LDLRAD4: variants seen among roughly 807,000 people sequenced by gnomAD.
LDLRAD4 encodes low density lipoprotein receptor class A domain containing 4, also known as low-density lipoprotein receptor class A domain-containing protein 4.
LDLRAD4 carries 5 observed loss-of-function variants against 17.0 expected under a neutral mutation model. That is an observed-to-expected ratio of 0.29 (90% CI 0.15 to 0.62). The LOEUF (loss-of-function observed/expected upper bound fraction) is 0.62, where lower values mean the gene tolerates loss of function less well. Ranked by LOEUF, LDLRAD4 falls within the 20% of genes least tolerant of loss-of-function variation. The pLI is 0.84. For missense variants in LDLRAD4, 340 were observed against 424.7 expected (o/e 0.80, Z 1.75); for synonymous variants, 168 against 171.8 (o/e 0.98, Z 0.17).
chr18:13,463,690 C>A (rs1194916652), intron 3 of LDLRAD4, among the ~76,000 whole-genome samples: 1 of 152,186 alleles, frequency 6.6e-6, no homozygotes, highest in Admixed American at 6.5e-5. Context: ...GCGTATAGCA[C>A]CTTGGGGCTT....
intron 1 of LDLRAD4, among the ~76,000 whole-genome samples, chr18:13,359,927 G>A (rs1043194757): frequency 3.3e-5 from 5 of 152,214 alleles, no homozygotes; most frequent in Non-Finnish European, 5.9e-5. Flanking sequence ...CAGCCAACAG[G>A]CATGGCTAAG....
chr18:13,223,582 T>C (rs879344513), intron 1 of LDLRAD4, among the ~76,000 whole-genome samples: 13 of 152,128 alleles, frequency 8.5e-5, no homozygotes, highest in Non-Finnish European at 1.3e-4. Flanking sequence ...GGAATTTCCA[T>C]TGGAAAGTCT....
At chr18:13,337,351 T>G (rs571500123) in intron 1 of LDLRAD4, among the ~76,000 whole-genome samples, 2 of 152,300 alleles carry the variant, frequency 1.3e-5, no homozygotes, top group African/African-American at 4.8e-5. Context: ...CTGCCCAATC[T>G]CAGCTGCCTC....
intron 3 of LDLRAD4, among the ~76,000 whole-genome samples, chr18:13,563,682 G>A (rs1057276904): frequency 2.0e-5 from 3 of 152,114 alleles, no homozygotes; most frequent in Non-Finnish European, 2.9e-5. Context: ...GCTGATAAAC[G>A]GGAGGCTCCG....
rs578042186 is a variant in LDLRAD4 at position 13,439,557 on chromosome 18, G to T, written c.181+1173G>T. On this transcript the variant is annotated intron_variant, in intron 3 of 5. Coordinates refer to ENST00000359446, the Ensembl canonical transcript of LDLRAD4. ...GGAGGTTCAGGCTGGGCGCGTGCTTGCCTGGCATTGGGTCCGTGTTTTGTG... is the reference window on the plus strand; with the variant it reads ...GGAGGTTCAGGCTGGGCGCGTGCTTTCCTGGCATTGGGTCCGTGTTTTGTG... Among the ~76,000 whole-genome samples, 8 of 152,348 alleles carry T rather than the reference G, an allele frequency of 5.3e-5. No individual in the cohort carries two copies. The South Asian group carries it at 1.5e-3, about 28-fold the overall frequency.
At chr18:13,496,754 AG>A (rs1327431387) in intron 3 of LDLRAD4, among the ~76,000 whole-genome samples, 1 of 80,444 alleles carries the variant, frequency 1.2e-5, no homozygotes, top group African/African-American at 3.0e-5. Flanking sequence ...TGTGATTTCA[AG>A]GTTTGTGGCA....
chr18:13,504,079 G>A (rs1559862), intron 3 of LDLRAD4, among the ~76,000 whole-genome samples: 97,008 of 151,660 alleles, frequency 0.64, 31,278 homozygotes, highest in East Asian at 0.73. Flanking sequence ...GGCTCACGCA[G>A]GTCACATATC....
intron 2 of LDLRAD4, among the ~76,000 whole-genome samples, chr18:13,428,407 C>T (rs538150254): frequency 1.3e-5 from 2 of 152,266 alleles, no homozygotes; most frequent in East Asian, 1.9e-4. Flanking sequence ...CATCCAGAGC[C>T]AACCTCGGGA....
chr18:13,571,240 G>T (rs2094686460), intron 3 of LDLRAD4, among the ~76,000 whole-genome samples: 1 of 152,214 alleles, frequency 6.6e-6, no homozygotes, highest in Admixed American at 6.5e-5. Context: ...AAATGTGTAA[G>T]TACGCTGTCT....
At chr18:13,416,818 T>C (rs1320752523) in intron 2 of LDLRAD4, among the ~76,000 whole-genome samples, 1 of 152,220 alleles carries the variant, frequency 6.6e-6, no homozygotes, top group East Asian at 1.9e-4. Context: ...AAAACACTTA[T>C]GAAAATAGAA....
intron 1 of LDLRAD4, among the ~76,000 whole-genome samples, chr18:13,252,932 C>A (rs1298341526): frequency 7.2e-5 from 11 of 152,168 alleles, no homozygotes; most frequent in Non-Finnish European, 1.2e-4. Flanking sequence ...GCTGGTTTTC[C>A]AGACCACTAG....
intron 3 of LDLRAD4, among the ~76,000 whole-genome samples, chr18:13,450,027 G>GA (rs2091697003): frequency 6.6e-6 from 1 of 152,220 alleles, no homozygotes; most frequent in African/African-American, 2.4e-5. Flanking sequence ...ACATTACCGA[G>GA]AGAGTTCGCT....
chr18:13,376,722 A>G (rs2084939216), intron 1 of LDLRAD4, among the ~76,000 whole-genome samples: 1 of 152,196 alleles, frequency 6.6e-6, no homozygotes, highest in Non-Finnish European at 1.5e-5. Context: ...TCTGTCTTCC[A>G]GGAGGGCACG....
At chr18:13,420,301 GT>G (rs918389650) in intron 2 of LDLRAD4, 1 of 152,210 alleles carries the variant, frequency 6.6e-6, no homozygotes, top group African/African-American at 2.4e-5. Context: ...GTGTTAGATT[GT>G]CCAGAATATC....
rs375445451 is a variant in LDLRAD4, at chr18:13,604,610, A to G, written c.182-16507A>G. Among the ~76,000 whole-genome samples, 378 of 152,348 alleles carry G rather than the reference A, an allele frequency of 2.5e-3. 2 individuals are homozygous for G. Among genetic ancestry groups the G allele is most frequent in the African/African-American group, 8.8e-3 (364 of 41,572 alleles). Reference sequence around the variant, plus strand: ...CATTTTCTGTGGTGTACCCAGAAATAAGATGAATTACGAAAGTTATTCAGC... The same window carrying G: ...CATTTTCTGTGGTGTACCCAGAAATGAGATGAATTACGAAAGTTATTCAGC... On this transcript the variant is annotated intron_variant, in intron 3 of 5. Coordinates refer to ENST00000359446, the Ensembl canonical transcript of LDLRAD4.
At chr18:13,301,370 T>C (rs540844114) in intron 1 of LDLRAD4, among the ~76,000 whole-genome samples, 117 of 140,622 alleles carry the variant, frequency 8.3e-4, no homozygotes, top group African/African-American at 3.0e-3. Flanking sequence ...AACTTGAGAG[T>C]GGAGTAGAGG....
intron 1 of LDLRAD4, among the ~76,000 whole-genome samples, chr18:13,328,149 C>G (rs758245131): frequency 8.5e-5 from 13 of 152,334 alleles, no homozygotes; most frequent in Admixed American, 7.8e-4. Flanking sequence ...CTTCCTGATA[C>G]AAAGCCGCTG....
At chr18:13,345,690 C>A (rs1279555951) in intron 1 of LDLRAD4, among the ~76,000 whole-genome samples, 1 of 152,096 alleles carries the variant, frequency 6.6e-6, no homozygotes, top group Non-Finnish European at 1.5e-5. Flanking sequence ...TGGTAGAATT[C>A]GGCTGTGAAT....
chr18:13,310,610 C>T (rs533520600), intron 1 of LDLRAD4, among the ~76,000 whole-genome samples: 85 of 152,270 alleles, frequency 5.6e-4, no homozygotes, highest in South Asian at 2.1e-3. Context: ...GGACCCCTAC[C>T]CGCCCCTTCA....
Sources: allele counts gnomAD v4.1 joint callset (sites outside exome capture counted in the v4.1 genomes callset), GRCh38; gene constraint gnomAD v4.1.1; transcripts MANE v1.5; gene names NCBI Gene and HGNC (gene_info 2026-07-23, HGNC 2026-07-21).